The following PPHLN1 variants were observed in gnomAD, a reference collection of about 807,000 sequenced individuals.
PPHLN1 encodes periphilin 1.
Under a neutral mutation model 51.3 loss-of-function variants are expected in PPHLN1, and 29 were observed. That is an observed-to-expected ratio of 0.57 (90% CI 0.42 to 0.77). The LOEUF (loss-of-function observed/expected upper bound fraction) is 0.77. Ranked by LOEUF, PPHLN1 falls within the 30% of genes least tolerant of loss-of-function variation. The pLI is 0.00. For missense variants in PPHLN1, 436 were observed against 438.4 expected (o/e 0.99, Z 0.05); for synonymous variants, 147 against 147.8 (o/e 0.99, Z 0.04).
intron 9 of PPHLN1, among the ~76,000 whole-genome samples, chr12:42,412,700 T>G (rs2139546796): frequency 6.6e-6 from 1 of 152,348 alleles, no homozygotes; most frequent in Middle Eastern, 3.4e-3. Context: ...TAAATCTCCA[T>G]ACTGTTTTCC....
At chr12:42,329,038 TC>T (rs2069232206) in intron 1 of PPHLN1, among the ~76,000 whole-genome samples, 1 of 151,654 alleles carries the variant, frequency 6.6e-6, no homozygotes, top group Non-Finnish European at 1.5e-5. Flanking sequence ...TTTTTTTTTT[TC>T]AATGACCTTA....
At chr12:42,439,889 T>A (rs1014087220) in intron 9 of PPHLN1, among the ~76,000 whole-genome samples, 1 of 152,106 alleles carries the variant, frequency 6.6e-6, no homozygotes, top group African/African-American at 2.4e-5. Flanking sequence ...ATTATATTCA[T>A]TATTATGGGT....
chr12:42,337,034 A>G (rs2070756382), intron 2 of PPHLN1, among the ~76,000 whole-genome samples: 2 of 152,184 alleles, frequency 1.3e-5, no homozygotes, highest in South Asian at 4.1e-4. Context: ...ATACTTCAGG[A>G]TGGCCAGACT....
intron 8 of PPHLN1, among the ~76,000 whole-genome samples, chr12:42,394,786 A>G (rs2078052270): frequency 6.6e-6 from 1 of 152,190 alleles, no homozygotes. Flanking sequence ...AGCATGAACA[A>G]TACTTTTCAG....
At chr12:42,428,819 T>A (rs1566016686) in intron 9 of PPHLN1, among the ~76,000 whole-genome samples, 1 of 119,900 alleles carries the variant, frequency 8.3e-6, no homozygotes, top group African/African-American at 3.2e-5. Context: ...CTTTTTAACT[T>A]CTTTTTTTTT....
At chr12:42,355,046 T>C (rs763527616) in intron 3 of PPHLN1, 115 bp from the exon 4 acceptor site, 72 of 878,662 alleles carry the variant, frequency 8.2e-5, no homozygotes, top group Non-Finnish European at 1.2e-4. Context: ...TTTTTCCCTT[T>C]TTATGCCTTT....
Position 42,400,981 on chromosome 12 carries a change from C to T in PPHLN1, c.909+1987C>T, listed in dbSNP as rs148021344. ...TTCTCCATATTTTTTAAAAGATATG[C>T]ATGTATATTTTTAATGAGTAAAGCA... On this transcript the variant is annotated intron_variant, in intron 9 of 9. Coordinates refer to ENST00000358314, the MANE Select transcript of PPHLN1 (RefSeq NM_201439.2). 5.3e-3 allele frequency among the ~76,000 whole-genome samples: 812 copies of T among 152,254 alleles called. 5 individuals are homozygous for T. Among genetic ancestry groups the T allele is most frequent in the Middle Eastern group, 0.037 (11 of 294 alleles).
chr12:42,332,793 C>T, intron 1 of PPHLN1: 1 of 674,120 alleles, frequency 1.5e-6, no homozygotes, highest in Non-Finnish European at 2.4e-6. Flanking sequence ...TATTAAACTA[C>T]ATACTATTTC....
At chr12:42,405,381 TG>T (rs1365686602) in intron 9 of PPHLN1, among the ~76,000 whole-genome samples, 20 of 152,212 alleles carry the variant, frequency 1.3e-4, no homozygotes, top group Non-Finnish European at 2.5e-4. Flanking sequence ...ACAATTACAG[TG>T]TGAGTTAATT....
intron 2 of PPHLN1, among the ~76,000 whole-genome samples, chr12:42,340,368 A>C (rs1400421980): frequency 6.6e-6 from 1 of 152,164 alleles, no homozygotes; most frequent in Non-Finnish European, 1.5e-5. Flanking sequence ...AGTTATTTTA[A>C]AAACCATATT....
At chr12:42,372,937 C>T (rs1028474624) in intron 4 of PPHLN1, among the ~76,000 whole-genome samples, 1 of 152,258 alleles carries the variant, frequency 6.6e-6, no homozygotes, top group South Asian at 2.1e-4. Flanking sequence ...ATTAGTAAAA[C>T]GTTAACTACA....
chr12:42,393,982 A>C (rs978772975), intron 8 of PPHLN1, among the ~76,000 whole-genome samples: 1 of 152,128 alleles, frequency 6.6e-6, no homozygotes, highest in Non-Finnish European at 1.5e-5. Context: ...TGTTAAAAGT[A>C]TCTCAGGAAA....
intron 4 of PPHLN1, among the ~76,000 whole-genome samples, chr12:42,371,302 A>G (rs1253975481): frequency 6.6e-6 from 1 of 151,626 alleles, no homozygotes; most frequent in African/African-American, 2.4e-5. Flanking sequence ...AATTTTTTGT[A>G]GAGACAGGCT....
At chr12:42,339,073 A>G (rs1168154229) in intron 2 of PPHLN1, among the ~76,000 whole-genome samples, 1 of 152,250 alleles carries the variant, frequency 6.6e-6, no homozygotes, top group Non-Finnish European at 1.5e-5. Context: ...AGAAGCAAGC[A>G]GGTAGGGAGA....
chr12:42,417,711 GAA>G (rs35667391), intron 9 of PPHLN1, among the ~76,000 whole-genome samples: 1 of 149,532 alleles, frequency 6.7e-6, no homozygotes, highest in African/African-American at 2.5e-5. Flanking sequence ...TGATTTTATA[GAA>G]AAAAAAAATG....
intron 8 of PPHLN1, 33 bp downstream of exon 8, chr12:42,393,722 C>G (rs2077943286): frequency 6.5e-7 from 1 of 1,538,664 alleles, no homozygotes; most frequent in African/African-American, 1.4e-5. Context: ...TGTTTCACAT[C>G]TGAAAGTTTT....
chr12:42,360,729 G>T (rs1396272226), intron 4 of PPHLN1, among the ~76,000 whole-genome samples: 1 of 151,908 alleles, frequency 6.6e-6, no homozygotes, highest in Non-Finnish European at 1.5e-5. Context: ...TCCTAACCTC[G>T]TGATCTGCCC....
intron 4 of PPHLN1, among the ~76,000 whole-genome samples, chr12:42,366,487 A>G (rs748266652): frequency 1.1e-4 from 16 of 151,858 alleles, no homozygotes; most frequent in Admixed American, 9.2e-4. Context: ...CTCGGCTCCC[A>G]AAGTGCTGGG....
chr12:42,417,932 G>GTT (rs1491348337), intron 9 of PPHLN1, among the ~76,000 whole-genome samples: 11 of 49,092 alleles, frequency 2.2e-4, no homozygotes, highest in East Asian at 1.2e-3. Context: ...TTTTTTTTTT[G>GTT]TTTTTTTTTT....
Sources: gnomAD v4.1 joint callset for allele counts (sites outside exome capture counted in the v4.1 genomes callset) on GRCh38, gnomAD v4.1.1 for gene constraint, MANE v1.5 for transcripts, NCBI Gene and HGNC (gene_info 2026-07-23, HGNC 2026-07-21) for gene names.